The following PRRT3 variants were observed in gnomAD, a reference collection of about 807,000 sequenced individuals.
The protein encoded by PRRT3 is proline-rich transmembrane protein 3.
PRRT3 carries 48 observed loss-of-function variants against 56.6 expected under a neutral mutation model. The ratio of observed to expected loss-of-function variants is 0.85; its 90% CI spans 0.67 to 1.08. The LOEUF is 1.08. Among genes scored for constraint, PRRT3 ranks in the 50% least tolerant of loss-of-function variants. The pLI, the probability that PRRT3 is intolerant of heterozygous loss-of-function variation, is 0.00. For missense variants in PRRT3, 1,370 were observed against 1,353.1 expected, an observed-to-expected ratio of 1.01 and a Z score of -0.20; for synonymous variants, 641 against 619.1, an observed-to-expected ratio of 1.04 and a Z score of -0.52.
Position 9,949,613 on chromosome 3 carries a change from A to T in PRRT3, c.503T>A (p.Val168Asp). 6.2e-7 allele frequency: 1 copy of T among 1,614,070 alleles called. No individual in the cohort carries two copies. ...TPRRQLRVAT[V>D]PPSLQHEGQE... Reference sequence around the variant, plus strand: ...GCCTTCATGCTGCAGGGAGGGAGGAACTGTGGCTACCCTGAGTTGACGTCT... The same window carrying T: ...GCCTTCATGCTGCAGGGAGGGAGGATCTGTGGCTACCCTGAGTTGACGTCT... Residue 168 changes from valine to aspartate, a missense_variant, in exon 2 of 4, where the codon GTT becomes GAT. Val to Asp is a radical substitution (Grantham distance 152). Transcript: ENST00000412055. The surrounding 1 kb of genome is among the most constrained non-coding windows in gnomAD (Gnocchi z 4.5).
Position 9,947,033 on chromosome 3 carries a change from TAGCCCAGCA to T in PRRT3, c.2131_2139del (p.Cys711_Ala713del), listed in dbSNP as rs1471045416. 6.5e-7 allele frequency: 1 copy of T among 1,538,410 alleles called. No homozygotes were observed. The highest frequency in any genetic ancestry group is 1.2e-5 in the South Asian group (1 of 84,272). On this transcript the variant is annotated inframe_deletion, in exon 4 of 4. Transcript: ENST00000412055. This position sits in a 1 kb window ranked among gnomAD's most constrained non-coding sequence, Gnocchi z 9.2. ...GCCGGGCACGCCAGACGCATCAGCTTAGCCCAGCAAGCGTGCTCCGTGGGCGGCCTGGGT... is the reference window on the plus strand; with the variant it reads ...GCCGGGCACGCCAGACGCATCAGCTTAGCGTGCTCCGTGGGCGGCCTGGGT...
Position 9,946,222 on chromosome 3 carries a change from G to A in PRRT3, c.*5C>T, listed in dbSNP as rs570360816. The A allele has an allele frequency of 8.3e-5, 134 of 1,610,754 alleles. No individual in the cohort carries two copies. Among genetic ancestry groups the A allele is most frequent in the East Asian group, 4.2e-4 (19 of 44,724 alleles). On this transcript the variant is annotated 3_prime_UTR_variant, in exon 4 of 4. Transcript: ENST00000412055. This position sits in a 1 kb window ranked among gnomAD's most constrained non-coding sequence, Gnocchi z 4.1. ...AGGGTCCTGGCCCTGCGTCAGGACC[G>A]CTCTTCAAAGCTCGATGGTATCACT... is the stretch of plus-strand genomic sequence containing the variant.
In PRRT3 at chr3:9,949,716, G is replaced by C; in HGVS notation, c.400C>G (p.Gln134Glu). ...ACTGCTTCTTGCTGCAGAAGCTCTT[G>C]TGAGTCCAGAGGTCCTGTCCAGCCG... ...SHGWTGPLDS[Q>E]ELLQQEAVAP... Residue 134 changes from glutamine (Q) to glutamate (E), a missense_variant, in exon 2 of 4, where the codon CAA (glutamine) becomes GAA (glutamate). By Grantham distance (29) the Gln-to-Glu change is conservative. Transcript: ENST00000412055. This position sits in a 1 kb window ranked among gnomAD's most constrained non-coding sequence, Gnocchi z 4.5. 2.5e-6 allele frequency: 4 copies of C among 1,614,192 alleles called. No individual in the cohort carries two copies. Among genetic ancestry groups the C allele is most frequent in the Non-Finnish European group, 3.4e-6 (4 of 1,180,030 alleles).
In PRRT3 at chr3:9,947,115, C is replaced by T; in HGVS notation, c.2058G>A (p.Glu686=). ...ACGCCAGGGCGAGCGCCCATGTCAG[C>T]TCCAGGAGGCGCAGCCAGAAGTGGA... ...WGVHFWLRLL[E]LTWALALALA... is the part of the protein sequence containing the mutation. Residue 686 remains glutamate, a synonymous_variant, in exon 4 of 4, where the codon GAG becomes GAA. Coordinates refer to ENST00000412055, the MANE Select transcript of PRRT3 (RefSeq NM_207351.5). This position sits in a 1 kb window ranked among gnomAD's most constrained non-coding sequence, Gnocchi z 9.2. 6.5e-7 allele frequency: 1 copy of T among 1,538,398 alleles called. No homozygotes were observed. The highest frequency in any genetic ancestry group is 8.7e-7 in the Non-Finnish European group (1 of 1,147,632).
In PRRT3 at chr3:9,946,938, T is replaced by A. The variant is rs2085535107; in HGVS notation, c.2235A>T (p.Ala745=). 1.9e-6 allele frequency: 3 copies of A among 1,541,874 alleles called. No individual in the cohort carries two copies. Among genetic ancestry groups the A allele is most frequent in the Non-Finnish European group, 2.6e-6 (3 of 1,149,012 alleles). The stretch of plus-strand genomic sequence containing the variant: ...GGCTCTTGCTGATGTCCAAGCTGCC[T>A]GCACCAACGTTGCTGGGCCCTGCAT... ...NCYAGPSNVG[A]GSLDISKSLI... Residue 745 remains alanine, a synonymous_variant, in exon 4 of 4, where the codon GCA becomes GCT. Transcript: ENST00000412055. The surrounding 1 kb of genome is among the most constrained non-coding windows in gnomAD (Gnocchi z 4.1).
At position 9,947,241 on chromosome 3, in the gene PRRT3, G is replaced by C. The variant is rs187043199; in HGVS notation, c.1932C>G (p.Gly644=). 2 of 1,485,828 alleles carry C rather than the reference G, an allele frequency of 1.3e-6. No individual in the cohort carries two copies. Among genetic ancestry groups the C allele is most frequent in the Middle Eastern group, 1.9e-4 (1 of 5,222 alleles). 92.0% of individuals were successfully genotyped at this position (1,485,828 alleles called of 1,614,324 possible). ...SPGPRLLAVA[G]ALGLLASGLQ... ...AGCCGCTAGCCAGCAGCCCCAGCGC[G>C]CCCGCCACAGCCAACAGCCGAGGGC... The change falls in exon 4 of 4, where the codon GGC becomes GGG. Residue 644 remains glycine, a synonymous_variant. Coordinates refer to ENST00000412055, the MANE Select transcript of PRRT3 (RefSeq NM_207351.5). This position sits in a 1 kb window ranked among gnomAD's most constrained non-coding sequence, Gnocchi z 9.2.
intron 3 of PRRT3, 127 bp downstream of exon 3, chr3:9,948,631 G>A (rs759806480): frequency 6.5e-6 from 7 of 1,071,466 alleles, no homozygotes; most frequent in Non-Finnish European, 9.7e-6. Context: ...GGAGGCCCTG[G>A]GCAACTCCTT....
intron 1 of PRRT3, among the ~76,000 whole-genome samples, chr3:9,950,911 T>C (rs2085611232): frequency 6.6e-6 from 1 of 152,190 alleles, no homozygotes; most frequent in African/African-American, 2.4e-5. Context: ...AGTGTCTTCA[T>C]TTCCTGGGGG....
Position 9,947,623 on chromosome 3 carries a change from C to CGCA in PRRT3, c.1547_1549dup (p.Leu516dup). Reference sequence around the variant, plus strand: ...AGGGTCGGTAAGCATGTAGGCGGATCGCAGCGCCGAAGCCACGAGCACCAG... The same window carrying CGCA: ...AGGGTCGGTAAGCATGTAGGCGGATCGCAGCAGCGCCGAAGCCACGAGCACCAG... On this transcript the variant is annotated inframe_insertion, in exon 4 of 4. Transcript: ENST00000412055. This position sits in a 1 kb window ranked among gnomAD's most constrained non-coding sequence, Gnocchi z 9.2. 1 of 1,583,872 alleles carries CGCA rather than the reference C, an allele frequency of 6.3e-7. No homozygotes were observed. The highest frequency in any genetic ancestry group is 8.6e-7 in the Non-Finnish European group (1 of 1,164,716).
Position 9,949,358 on chromosome 3 carries a change from CCAA to C in PRRT3, c.755_757del (p.Val252del). The C allele has an allele frequency of 6.2e-7, 1 of 1,614,174 alleles. No homozygotes were observed. Among genetic ancestry groups the C allele is most frequent in the Non-Finnish European group, 8.5e-7 (1 of 1,180,036 alleles). ...CACCACCTCAACTGGGGGTACTGAG[CCAA>C]CATCAGGGGCTGCTGGATCCTGCTG... On this transcript the variant is annotated inframe_deletion, in exon 2 of 4. Coordinates refer to ENST00000412055, the MANE Select transcript of PRRT3 (RefSeq NM_207351.5). This position sits in a 1 kb window ranked among gnomAD's most constrained non-coding sequence, Gnocchi z 4.5.
At chr3:9,948,649 G>T in intron 3 of PRRT3, 109 bp downstream of exon 3, 1 of 1,296,376 alleles carries the variant, frequency 7.7e-7, no homozygotes, top group Non-Finnish European at 1.1e-6. Context: ...CTTTAAGGAG[G>T]TGATTGTCTC....
Position 9,947,717 on chromosome 3 carries a change from C to T in PRRT3, c.1456G>A (p.Ala486Thr), listed in dbSNP as rs759519409. The part of the protein sequence containing the change: ...YGVGVLFLLP[A>T]LLALAALAAA... ...GCCAGCGCAGCCAGCGCCAACAACGCGGGCAGCAGAAAGAGTACCCCCACC... is the reference window on the plus strand; with the variant it reads ...GCCAGCGCAGCCAGCGCCAACAACGTGGGCAGCAGAAAGAGTACCCCCACC... The change falls in exon 4 of 4, where the codon GCG (alanine) becomes ACG (threonine). Residue 486 changes from alanine (A) to threonine (T), a missense_variant. By Grantham distance (58) the Ala-to-Thr change is moderately conservative. Coordinates refer to ENST00000412055, the MANE Select transcript of PRRT3 (RefSeq NM_207351.5). The surrounding 1 kb of genome is among the most constrained non-coding windows in gnomAD (Gnocchi z 9.2). The T allele has an allele frequency of 4.5e-6, 7 of 1,565,110 alleles. No homozygotes were observed. Among genetic ancestry groups the T allele is most frequent in the South Asian group, 3.6e-5 (3 of 84,172 alleles).
intron 3 of PRRT3, chr3:9,948,388 G>GTGGCTTACGGT (rs1186614343): frequency 2.6e-6 from 1 of 390,092 alleles, no homozygotes; most frequent in African/African-American, 2.1e-5. Flanking sequence ...GGTGTGCAGT[G>GTGGCTTACGGT]GTGCAATGTG....
rs759375218 is a variant in PRRT3 at position 9,946,385 on chromosome 3, G to A, written c.2788C>T (p.Pro930Ser). ...RHGLSSVDSL[P>S]LDELPSTVQL... is the part of the protein sequence containing the mutation. ...ACCGTGCTGGGCAACTCATCTAGGG[G>A]CAGACTGTCCACTGATGACAGCCCG... Residue 930 changes from proline to serine, a missense_variant, in exon 4 of 4, where the codon CCC becomes TCC. Coordinates refer to ENST00000412055, the MANE Select transcript of PRRT3 (RefSeq NM_207351.5). This position sits in a 1 kb window ranked among gnomAD's most constrained non-coding sequence, Gnocchi z 4.1. The A allele has an allele frequency of 1.9e-6, 3 of 1,608,172 alleles. No homozygotes were observed. In the African/African-American group the frequency reaches 4.0e-5, roughly 22 times the overall value.
In PRRT3 at chr3:9,949,958, G is replaced by C. The variant is rs2085597645; in HGVS notation, c.158C>G (p.Ser53Ter). ...GAACACGTCAAAGGCCTGGGGCTCT[G>C]AGCCCACAGAGCCCTTGGGGTGGGC... ...PGAHPKGSVG[S>*]EPQAFDVFPE... Residue 53 changes from serine to a stop codon, truncating the protein, a stop_gained, in exon 2 of 4, where the codon TCA becomes TGA. Transcript: ENST00000412055. LOFTEE classifies it high-confidence loss of function. This position sits in a 1 kb window ranked among gnomAD's most constrained non-coding sequence, Gnocchi z 4.5. The C allele has an allele frequency of 1.9e-6, 3 of 1,574,488 alleles. No homozygotes were observed. The highest frequency in any genetic ancestry group is 2.2e-5 in the East Asian group (1 of 44,522).
rs562516938 is a variant in PRRT3, at chr3:9,952,143, T to TCTC, written c.-58+176_-58+178dup. Among the ~76,000 whole-genome samples, 271 of 151,146 alleles carry TCTC rather than the reference T, an allele frequency of 1.8e-3. 2 individuals carry two copies. The highest frequency in any genetic ancestry group is 3.8e-3 in the South Asian group (18 of 4,788). ...CGGAGCTGGTCCATCTCGGGTTACC[T>TCTC]CTCCTCCTCCTCCTCCTCCTCCTCC... On this transcript the variant is annotated intron_variant, in intron 1 of 3. Coordinates refer to ENST00000412055, the MANE Select transcript of PRRT3 (RefSeq NM_207351.5).
chr3:9,946,810 A>C lies in PRRT3; in HGVS notation c.2363T>G (p.Leu788Arg). The change falls in exon 4 of 4, where the codon CTG becomes CGG. Residue 788 changes from leucine (L) to arginine (R), a missense_variant. Coordinates refer to ENST00000412055, the MANE Select transcript of PRRT3 (RefSeq NM_207351.5). The surrounding 1 kb of genome is among the most constrained non-coding windows in gnomAD (Gnocchi z 4.1). ...CGCCGGTCCCACACCGTTGCGGGAC[A>C]GTCCCGGGCCACCCTGGGGTCCGCG... ...LGRGPQGGPG[L>R]SRNGVGPAPS... 1 of 1,546,712 alleles carries C rather than the reference A, an allele frequency of 6.5e-7. No homozygotes were observed. The highest frequency in any genetic ancestry group is 1.2e-5 in the South Asian group (1 of 84,682).
chr3:9,948,273 G>A (rs1214366845), intron 3 of PRRT3: 1 of 371,188 alleles, frequency 2.7e-6, no homozygotes, highest in East Asian at 4.1e-5. Context: ...CTGCATATTA[G>A]AATCTTCTGG....
chr3:9,946,866 T>C lies in PRRT3; in HGVS notation c.2307A>G (p.Ser769=), dbSNP rs1043912051. The change falls in exon 4 of 4, where the codon TCA becomes TCG. Residue 769 remains serine (S), a synonymous_variant. Coordinates refer to ENST00000412055, the MANE Select transcript of PRRT3 (RefSeq NM_207351.5). This position sits in a 1 kb window ranked among gnomAD's most constrained non-coding sequence, Gnocchi z 4.1. ...AESGQLATPS[S]GAWGSAASLG... ...ACGACGCAGCCGAGCCCCAGGCGCC[T>C]GAACTGGGCGTGGCCAGCTGCCCAC... The C allele has an allele frequency of 6.5e-7, 1 of 1,538,772 alleles. No individual in the cohort carries two copies. Among genetic ancestry groups the C allele is most frequent in the South Asian group, 1.2e-5 (1 of 84,268 alleles).
Sources: allele counts gnomAD v4.1 joint callset (sites outside exome capture counted in the v4.1 genomes callset), GRCh38; gene constraint gnomAD v4.1.1; non-coding constraint Gnocchi (gnomAD v3.1); transcripts MANE v1.5; gene names NCBI Gene and HGNC (gene_info 2026-07-23, HGNC 2026-07-21).